The following ASPG variants were observed in gnomAD, a reference collection of about 807,000 sequenced individuals.
The protein encoded by ASPG is 60 kDa lysophospholipase.
A neutral mutation model predicts 63.2 loss-of-function variants in ASPG; 53 were observed. That is an observed-to-expected ratio of 0.84 (90% CI 0.67 to 1.05). ASPG has a LOEUF of 1.05. Ranked by LOEUF, ASPG falls within the 50% of genes least tolerant of loss-of-function variation. The pLI is 0.00. For synonymous variants in ASPG, 370 were observed against 355.0 expected, an observed-to-expected ratio of 1.04 and a Z score of -0.48; for missense variants, 741 against 794.4, an observed-to-expected ratio of 0.93 and a Z score of 0.81.
At chr14:104,092,313 A>G (rs2036392517) in intron 1 of ASPG, among the ~76,000 whole-genome samples, 1 of 152,114 alleles carries the variant, frequency 6.6e-6, no homozygotes, top group Admixed American at 6.5e-5. Context: ...GTGTGGACTA[A>G]GCATTTGGAG....
At chr14:104,097,827 CGT>C (rs2036664816) in intron 5 of ASPG, among the ~76,000 whole-genome samples, 190 bp downstream of exon 5, 5 of 143,512 alleles carry the variant, frequency 3.5e-5, no homozygotes, top group African/African-American at 1.3e-4. Context: ...GTTAGAGATA[CGT>C]ATGGAGGTTC....
At chr14:104,092,418 C>T (rs1015807112) in intron 1 of ASPG, among the ~76,000 whole-genome samples, 11 of 152,160 alleles carry the variant, frequency 7.2e-5, no homozygotes, top group African/African-American at 1.7e-4. Context: ...GGAATCACCA[C>T]GGGCTCCAAG....
intron 6 of ASPG, among the ~76,000 whole-genome samples, chr14:104,100,550 C>T (rs1445692415): frequency 2.0e-5 from 3 of 152,082 alleles, no homozygotes; most frequent in African/African-American, 4.8e-5. Context: ...GCTCACACCC[C>T]GTCCCTTCTT....
At chr14:104,093,233 C>A in intron 2 of ASPG, 1 of 570,914 alleles carries the variant, frequency 1.8e-6, no homozygotes, top group Non-Finnish European at 3.2e-6. Flanking sequence ...GTCCCAGCCC[C>A]CCTCTTCGAG....
Position 104,112,633 on chromosome 14 carries a change from C to T in ASPG, c.*89C>T. The T allele has an allele frequency of 6.4e-7, 1 of 1,562,530 alleles. No homozygotes were observed. The highest frequency in any genetic ancestry group is 8.6e-7 in the Non-Finnish European group (1 of 1,159,022). On this transcript the variant is annotated 3_prime_UTR_variant, in exon 16 of 16. Coordinates refer to ENST00000551177, the MANE Select transcript of ASPG (RefSeq NM_001080464.3). Reference sequence around the variant, plus strand: ...AGGCATGACCCCACTGCTGGGGCTGCTTCCCAGCCTGCTCTCATGTAAAGC... The same window carrying T: ...AGGCATGACCCCACTGCTGGGGCTGTTTCCCAGCCTGCTCTCATGTAAAGC...
At chr14:104,097,503 C>G in intron 4 of ASPG, 51 bp from the exon 5 acceptor site, 3 of 1,515,724 alleles carry the variant, frequency 2.0e-6, no homozygotes, top group South Asian at 2.4e-5. Flanking sequence ...GCCAGACATC[C>G]CAGGCTTCTG....
In ASPG at chr14:104,106,999, G is replaced by A. The variant is rs2037160737; in HGVS notation, c.1269+105G>A. Reference sequence around the variant, plus strand: ...TTCATCCACCCACTGACCACACTAAGCCCTTGTCAGCCAGACTGGGCAGCA... The same window carrying A: ...TTCATCCACCCACTGACCACACTAAACCCTTGTCAGCCAGACTGGGCAGCA... On this transcript the variant is annotated intron_variant, in intron 11 of 15. Coordinates refer to ENST00000551177, the MANE Select transcript of ASPG (RefSeq NM_001080464.3). 5.3e-6 allele frequency: 7 copies of A among 1,319,826 alleles called. No individual in the cohort carries two copies. In the East Asian group the frequency reaches 1.8e-4, roughly 34 times the overall value. The allele number at this position is 1,319,826 out of a possible 1,614,324, so 81.8% of individuals were successfully genotyped here. A position where few individuals can be genotyped will look rare whatever the true frequency, so the allele number is the denominator to read the frequency against.
rs773388115 is a variant in ASPG at position 104,111,520 on chromosome 14, C to G, written c.1539C>G (p.Asp513Glu). 7 of 1,551,240 alleles carry G rather than the reference C, an allele frequency of 4.5e-6. No homozygotes were observed. Among genetic ancestry groups the G allele is most frequent in the Non-Finnish European group, 6.1e-6 (7 of 1,147,250 alleles). ...TELCRLAYRA[D>E]LEGLQVWWQA... is the part of the protein sequence containing the mutation. ...CCCCCAGGCTGGCATACAGGGCCGA[C>G]CTCGAAGGCCTGCAGGTGTGGTGGC... Residue 513 changes from aspartate (D) to glutamate (E), a missense_variant, in exon 14 of 16, where the codon GAC becomes GAG. Asp to Glu is a conservative substitution (Grantham distance 45, BLOSUM62 2). Transcript: ENST00000551177.
chr14:104,094,664 C>T (rs2036515957), intron 3 of ASPG, among the ~76,000 whole-genome samples: 1 of 152,180 alleles, frequency 6.6e-6, no homozygotes, highest in African/African-American at 2.4e-5. Flanking sequence ...AGGACAGGAC[C>T]CTCCATTTGT....
chr14:104,097,320 CTGT>C (rs2036638690), intron 4 of ASPG, among the ~76,000 whole-genome samples: 1 of 152,150 alleles, frequency 6.6e-6, no homozygotes, highest in Non-Finnish European at 1.5e-5. Flanking sequence ...GCAGGGACAG[CTGT>C]TGTTGGCGGC....
chr14:104,092,610 A>T (rs1231158207), intron 1 of ASPG, 23 bp from the exon 2 acceptor site: 1 of 1,527,486 alleles, frequency 6.5e-7, no homozygotes, highest in South Asian at 1.2e-5. Flanking sequence ...TGACCCCAGC[A>T]TCCACCTGGA....
At chr14:104,100,334 G>C (rs983622452) in intron 6 of ASPG, among the ~76,000 whole-genome samples, 1 of 152,180 alleles carries the variant, frequency 6.6e-6, no homozygotes, top group African/African-American at 2.4e-5. Flanking sequence ...AGCAGAAGCG[G>C]GTGGAGGCAG....
At chr14:104,107,119 C>G in intron 11 of ASPG, 63 bp from the exon 12 acceptor site, 1 of 1,516,002 alleles carries the variant, frequency 6.6e-7, no homozygotes, top group South Asian at 1.3e-5. Context: ...CCCACCCTCC[C>G]CATGGCCTAC....
Position 104,111,532 on chromosome 14 carries a change from G to A in ASPG, c.1551G>A (p.Leu517=), listed in dbSNP as rs563090888. 4.5e-6 allele frequency: 7 copies of A among 1,552,010 alleles called. No homozygotes were observed. The African/African-American group carries it at 5.5e-5, about 12-fold the overall frequency. Residue 517 remains leucine, a synonymous_variant, in exon 14 of 16, where the codon CTG becomes CTA. Transcript: ENST00000551177. The stretch of plus-strand genomic sequence containing the variant: ...CATACAGGGCCGACCTCGAAGGCCT[G>A]CAGGTGTGGTGGCAGGCAGGGGCTG... ...RLAYRADLEG[L]QVWWQAGADL... is the part of the protein sequence containing the mutation.
At position 104,103,576 on chromosome 14, in the gene ASPG, G is replaced by C; in HGVS notation, c.654G>C (p.Leu218=). Residue 218 remains leucine (L), a synonymous_variant, in exon 7 of 16, where the codon CTG becomes CTC. Coordinates refer to ENST00000551177, the MANE Select transcript of ASPG (RefSeq NM_001080464.3). The stretch of plus-strand genomic sequence containing the variant: ...CCCTGTCCTCAGTCAACAGGGAGCT[G>C]GTGCGGAAGGTGGACGGGAAGGCTG... ...VGADITINRE[L]VRKVDGKAGL... is the part of the protein sequence containing the mutation. 1 of 1,548,096 alleles carries C rather than the reference G, an allele frequency of 6.5e-7. No individual in the cohort carries two copies. Among genetic ancestry groups the C allele is most frequent in the Non-Finnish European group, 8.7e-7 (1 of 1,146,712 alleles).
rs2037289885 is a variant in ASPG at position 104,109,403 on chromosome 14, G to A, written c.1520+88G>A. 3 of 1,418,732 alleles carry A rather than the reference G, an allele frequency of 2.1e-6. No individual in the cohort carries two copies. The Admixed American group carries it at 6.5e-5, about 31-fold the overall frequency. The allele number at this position is 1,418,732 out of a possible 1,614,324, so 87.9% of individuals were successfully genotyped here. A position where few individuals can be genotyped will look rare whatever the true frequency, so the allele number is the denominator to read the frequency against. On this transcript the variant is annotated intron_variant, in intron 13 of 15. Coordinates refer to ENST00000551177, the MANE Select transcript of ASPG (RefSeq NM_001080464.3). This position sits in a 1 kb window ranked among gnomAD's most constrained non-coding sequence, Gnocchi z 4.8. ...GCCAGACCTGCTGGGAGGGACAAGT[G>A]AGTCAGGGTGTGGGGGCTTTCAGAG...
intron 5 of ASPG, 76 bp downstream of exon 5, chr14:104,097,713 T>TC: frequency 1.4e-6 from 2 of 1,401,644 alleles, no homozygotes. Flanking sequence ...GGAAACAAAG[T>TC]CCCCCCAGCC....
chr14:104,109,193 C>T lies in ASPG; in HGVS notation c.1434-36C>T, dbSNP rs768741912. 6.3e-5 allele frequency: 102 copies of T among 1,608,544 alleles called. No individual in the cohort carries two copies. Among genetic ancestry groups the T allele is most frequent in the Non-Finnish European group, 4.1e-5 (48 of 1,178,038 alleles). ...GTGAGGTGCAGCGGGGCTGGGCTGG[C>T]CAGGGCAGAAGGTCAGCATGCTCAT... On this transcript the variant is annotated intron_variant, in intron 12 of 15. Coordinates refer to ENST00000551177, the MANE Select transcript of ASPG (RefSeq NM_001080464.3). This position sits in a 1 kb window ranked among gnomAD's most constrained non-coding sequence, Gnocchi z 4.8.
chr14:104,098,024 CGTTAGAGATGCGTATGGAGGTTTTG>C (rs2036691584), intron 5 of ASPG, among the ~76,000 whole-genome samples: 7 of 102,764 alleles, frequency 6.8e-5, no homozygotes, highest in African/African-American at 1.1e-4. Context: ...GGAGGTTCTG[CGTTAGAGATGCGTATGGAGGTTTTG>C]CGTTAGAGAT....
Sources: gnomAD v4.1 joint callset for allele counts (sites outside exome capture counted in the v4.1 genomes callset) on GRCh38, gnomAD v4.1.1 for gene constraint, Gnocchi (gnomAD v3.1) non-coding constraint, MANE v1.5 for transcripts, NCBI Gene and HGNC (gene_info 2026-07-23, HGNC 2026-07-21) for gene names.